The following HECW1 variants were observed in gnomAD, a reference collection of about 807,000 sequenced individuals.
The protein encoded by HECW1 is E3 ubiquitin-protein ligase HECW1.
In HECW1, 61 loss-of-function variants were observed where a neutral mutation model predicts 182.3. The ratio of observed to expected loss-of-function variants is 0.33; its 90% confidence interval spans 0.27 to 0.41. The LOEUF is 0.41. Among genes scored for constraint, HECW1 ranks in the 10% least tolerant of loss-of-function variants. HECW1 has a pLI of 1.00. For synonymous variants in HECW1, 859 were observed against 832.6 expected, an observed-to-expected ratio of 1.03 and a Z score of -0.55; for missense variants, 1,739 against 2,108.9, an observed-to-expected ratio of 0.82 and a Z score of 3.44.
At chr7:43,125,828 CTTTTGTAAGGGA>C (rs1489961924) in intron 2 of HECW1, among the ~76,000 whole-genome samples, 1 of 150,316 alleles carries the variant, frequency 6.7e-6, no homozygotes, top group Non-Finnish European at 1.5e-5. Flanking sequence ...GCCAAGCGGC[CTTTTGTAAGGGA>C]TGCTGGAAAG....
intron 4 of HECW1, among the ~76,000 whole-genome samples, chr7:43,313,161 C>T (rs748275446): frequency 6.6e-6 from 1 of 152,104 alleles, no homozygotes; most frequent in Non-Finnish European, 1.5e-5. Context: ...ATAATACACA[C>T]ATTAATGTAA....
chr7:43,547,002 A>G (rs2081592019), intron 26 of HECW1, among the ~76,000 whole-genome samples: 1 of 152,032 alleles, frequency 6.6e-6, no homozygotes, highest in Non-Finnish European at 1.5e-5. Context: ...GATTTTCTTA[A>G]TGGTGTCTGG....
At chr7:43,221,928 G>C (rs963418898) in intron 2 of HECW1, among the ~76,000 whole-genome samples, 1 of 152,114 alleles carries the variant, frequency 6.6e-6, no homozygotes, top group Non-Finnish European at 1.5e-5. Flanking sequence ...ACGATTATGA[G>C]ATGCAGATCC....
intron 2 of HECW1, among the ~76,000 whole-genome samples, chr7:43,204,352 A>T (rs1423194664): frequency 2.0e-5 from 3 of 151,956 alleles, no homozygotes; most frequent in African/African-American, 7.3e-5. Context: ...TGTTCAAGAA[A>T]CCCTAAGTCA....
chr7:43,162,769 A>T (rs1448626852), intron 2 of HECW1, among the ~76,000 whole-genome samples: 6 of 152,236 alleles, frequency 3.9e-5, no homozygotes, highest in African/African-American at 1.4e-4. Context: ...CAAAGCTCCC[A>T]TACTACTGTA....
chr7:43,521,846 T>G (rs1225393664), intron 24 of HECW1, among the ~76,000 whole-genome samples: 1 of 152,226 alleles, frequency 6.6e-6, no homozygotes, highest in Non-Finnish European at 1.5e-5. Flanking sequence ...CACTCCAGCC[T>G]GAGCAACAAA....
At chr7:43,234,512 T>G (rs1039653472) in intron 2 of HECW1, among the ~76,000 whole-genome samples, 2 of 151,724 alleles carry the variant, frequency 1.3e-5, no homozygotes, top group Non-Finnish European at 2.9e-5. Flanking sequence ...CCTCAGGCCT[T>G]TTTTTTTGCC....
At chr7:43,447,633 G>A (rs762782292) in intron 11 of HECW1, among the ~76,000 whole-genome samples, 20 of 152,192 alleles carry the variant, frequency 1.3e-4, no homozygotes, top group Non-Finnish European at 2.6e-4. Flanking sequence ...TCAGCAGTGA[G>A]TCCCCAGGCT....
chr7:43,433,347 C>T (rs1354621332), intron 8 of HECW1, among the ~76,000 whole-genome samples: 2 of 152,176 alleles, frequency 1.3e-5, no homozygotes, highest in African/African-American at 4.8e-5. Context: ...CCCAGTTGCA[C>T]AGTGGAGTCA....
chr7:43,141,499 TGGA>T (rs1788148160), intron 2 of HECW1, among the ~76,000 whole-genome samples: 1 of 152,138 alleles, frequency 6.6e-6, no homozygotes, highest in Non-Finnish European at 1.5e-5. Flanking sequence ...GTTTGAGATT[TGGA>T]TTTTGTTTTT....
chr7:43,501,379 T>C, intron 21 of HECW1, 57 bp downstream of exon 21: 1 of 954,826 alleles, frequency 1.0e-6, no homozygotes, highest in South Asian at 1.4e-5. Context: ...TTTCCTCCAG[T>C]GAAGGTGAAT....
At chr7:43,294,079 C>T (rs968866636) in intron 3 of HECW1, among the ~76,000 whole-genome samples, 2 of 152,208 alleles carry the variant, frequency 1.3e-5, no homozygotes, top group Non-Finnish European at 2.9e-5. Flanking sequence ...TCCATGAAAT[C>T]GATCCCTCGT....
intron 19 of HECW1, among the ~76,000 whole-genome samples, chr7:43,493,811 G>A (rs959439733): frequency 6.6e-6 from 1 of 152,220 alleles, no homozygotes; most frequent in African/African-American, 2.4e-5. Flanking sequence ...GGGGTTAAGA[G>A]TACATCTCTT....
At chr7:43,425,248 C>T (rs575320013) in intron 8 of HECW1, among the ~76,000 whole-genome samples, 5 of 151,474 alleles carry the variant, frequency 3.3e-5, no homozygotes, top group South Asian at 2.1e-4. Flanking sequence ...CACACACACA[C>T]GTGTACATAT....
chr7:43,486,247 T>A (rs1239527863), intron 17 of HECW1, among the ~76,000 whole-genome samples: 3 of 152,196 alleles, frequency 2.0e-5, no homozygotes, highest in African/African-American at 7.2e-5. Context: ...TGTGCCACAT[T>A]TTCTTTATCC....
At chr7:43,309,349 G>A (rs984732807) in intron 3 of HECW1, among the ~76,000 whole-genome samples, 10 of 152,136 alleles carry the variant, frequency 6.6e-5, no homozygotes, top group African/African-American at 1.7e-4. Flanking sequence ...TGCTTACCCC[G>A]GACAAATGTC....
At chr7:43,274,645 G>A (rs186074145) in intron 3 of HECW1, 18,548 of 227,006 alleles carry the variant, frequency 0.082, 501 homozygotes, top group South Asian at 0.14. Context: ...GGGAGGGAGG[G>A]AGAGAGAGAG....
At chr7:43,553,608 G>T (rs2081920784) in intron 28 of HECW1, among the ~76,000 whole-genome samples, 1 of 149,402 alleles carries the variant, frequency 6.7e-6, no homozygotes. Context: ...GGCAGAGGTT[G>T]CAGTGAGCCA....
intron 2 of HECW1, among the ~76,000 whole-genome samples, chr7:43,214,578 T>TGTGGTG (rs1198463012): frequency 6.6e-6 from 1 of 152,134 alleles, no homozygotes; most frequent in Non-Finnish European, 1.5e-5. Context: ...TTTATTGTTC[T>TGTGGTG]GTGGTGGTGG....
Sources: gnomAD v4.1 joint callset for allele counts (sites outside exome capture counted in the v4.1 genomes callset) on GRCh38, gnomAD v4.1.1 for gene constraint, MANE v1.5 for transcripts, NCBI Gene and HGNC (gene_info 2026-07-23, HGNC 2026-07-21) for gene names.